GRIK1: variants seen among roughly 807,000 people sequenced by gnomAD.
GRIK1 encodes the protein glutamate ionotropic receptor kainate type subunit 1, also known as glutamate receptor ionotropic, kainate 1.
Under a neutral mutation model 105.7 loss-of-function variants are expected in GRIK1, and 69 were observed. That is an observed-to-expected ratio of 0.65 (90% confidence interval 0.54 to 0.80). GRIK1 has a LOEUF of 0.80. Ranked by LOEUF, GRIK1 falls within the 30% of genes least tolerant of loss-of-function variation. The probability of loss-of-function intolerance (pLI) is 0.00; values close to 1 mark genes in which losing one functional copy is unlikely to be tolerated. For synonymous variants in GRIK1, 438 were observed against 431.3 expected (o/e 1.02, Z -0.19); for missense variants, 1,109 against 1,167.3 (o/e 0.95, Z 0.73).
chr21:29,548,905 A>C (rs934923341), intron 16 of GRIK1, among the ~76,000 whole-genome samples: 1 of 152,242 alleles, frequency 6.6e-6, no homozygotes, highest in Non-Finnish European at 1.5e-5. Context: ...TTTTAGTTTA[A>C]AACAAAGTAA....
chr21:29,926,873 T>C (rs1469085700), intron 1 of GRIK1, among the ~76,000 whole-genome samples: 2 of 152,200 alleles, frequency 1.3e-5, no homozygotes, highest in Non-Finnish European at 2.9e-5. Context: ...ATTTTATTTG[T>C]GATATCATAC....
chr21:29,808,304 T>C (rs1419695332), intron 1 of GRIK1, among the ~76,000 whole-genome samples: 1 of 152,138 alleles, frequency 6.6e-6, no homozygotes, highest in African/African-American at 2.4e-5. Context: ...TCCAGTGATC[T>C]GCTCCAACAC....
At chr21:29,919,756 G>A (rs1314436705) in intron 1 of GRIK1, among the ~76,000 whole-genome samples, 1 of 152,106 alleles carries the variant, frequency 6.6e-6, no homozygotes, top group African/African-American at 2.4e-5. Flanking sequence ...AAAGCATGAG[G>A]TTGAATAAAC....
At chr21:29,875,455 G>T (rs761616547) in intron 1 of GRIK1, among the ~76,000 whole-genome samples, 1 of 152,084 alleles carries the variant, frequency 6.6e-6, no homozygotes, top group Admixed American at 6.6e-5. Flanking sequence ...TGTCACCCCT[G>T]TTGGTAAAGC....
chr21:29,838,221 A>G (rs189410681), intron 1 of GRIK1, among the ~76,000 whole-genome samples: 27 of 152,294 alleles, frequency 1.8e-4, no homozygotes, highest in African/African-American at 6.5e-4. Context: ...ATAGAAGCCC[A>G]TAGGAGGAGT....
intron 7 of GRIK1, among the ~76,000 whole-genome samples, chr21:29,637,982 C>A (rs1185780698): frequency 6.6e-6 from 1 of 152,162 alleles, no homozygotes; most frequent in Non-Finnish European, 1.5e-5. Flanking sequence ...TTGCAAACAA[C>A]TGCTACTTTA....
rs1242501552 is a variant in GRIK1, at chr21:29,601,037, C to A, written c.1099-2100G>T. On this transcript the variant is annotated intron_variant, in intron 7 of 17. Transcript: ENST00000327783. ...TCAACTTGCCTAGGCCACACGATGC[C>A]CAAATATCTAGTCAAACATTATTTC... Among the ~76,000 whole-genome samples, 4 of 152,130 alleles carry A rather than the reference C, an allele frequency of 2.6e-5. No individual in the cohort carries two copies. The East Asian group carries it at 7.7e-4, about 29-fold the overall frequency.
intron 1 of GRIK1, among the ~76,000 whole-genome samples, chr21:29,919,768 T>G (rs1171279426): frequency 6.6e-6 from 1 of 152,204 alleles, no homozygotes; most frequent in Non-Finnish European, 1.5e-5. Flanking sequence ...TGAATAAACC[T>G]ACGTAGTGGT....
intron 15 of GRIK1, among the ~76,000 whole-genome samples, chr21:29,556,301 G>C (rs2090254332): frequency 6.6e-6 from 1 of 152,110 alleles, no homozygotes; most frequent in Non-Finnish European, 1.5e-5. Context: ...TCGGCATAAA[G>C]CTCTTGCCCC....
chr21:29,858,397 C>T (rs1197625374), intron 1 of GRIK1, among the ~76,000 whole-genome samples: 1 of 152,156 alleles, frequency 6.6e-6, no homozygotes, highest in African/African-American at 2.4e-5. Context: ...ATGTCAGGGG[C>T]TCCCAGTGTC....
chr21:29,577,284 AC>A, intron 13 of GRIK1, 103 bp from the exon 14 acceptor site: 1 of 667,754 alleles, frequency 1.5e-6, no homozygotes, highest in Middle Eastern at 4.2e-4. Flanking sequence ...TAAAAGACTT[AC>A]CGTCTTGTAG....
chr21:29,584,296 A>G (rs1006990696), intron 12 of GRIK1, among the ~76,000 whole-genome samples: 1 of 151,480 alleles, frequency 6.6e-6, no homozygotes, highest in Non-Finnish European at 1.5e-5. Flanking sequence ...TTTACTTTCA[A>G]GGGTTTTCTA....
At chr21:29,892,709 G>A (rs2069947736) in intron 1 of GRIK1, among the ~76,000 whole-genome samples, 1 of 152,216 alleles carries the variant, frequency 6.6e-6, no homozygotes. Context: ...AGGTCTCTAT[G>A]CCCTTAGAGA....
intron 7 of GRIK1, among the ~76,000 whole-genome samples, chr21:29,601,532 A>G (rs374932282): frequency 1.1e-4 from 17 of 152,272 alleles, no homozygotes; most frequent in African/African-American, 4.1e-4. Context: ...TCCCCTATGC[A>G]CAGCCCCAGC....
In GRIK1 at chr21:29,537,295, AT is replaced by A; in HGVS notation, c.2784del (p.Lys928AsnfsTer29). 6.2e-7 allele frequency: 1 copy of A among 1,611,474 alleles called. No homozygotes were observed. Among genetic ancestry groups the A allele is most frequent in the Non-Finnish European group, 8.5e-7 (1 of 1,178,158 alleles). On this transcript the variant is annotated frameshift_variant, in exon 18 of 18. Coordinates refer to ENST00000327783, the MANE Select transcript of GRIK1 (RefSeq NM_001330994.2). LOFTEE classifies it high-confidence loss of function. ...CAAGTAAGGATACTTGTGAAGGAAGATTTCCCCTTAGTTCTTGACTTTTTCT... is the reference window on the plus strand; with the variant it reads ...CAAGTAAGGATACTTGTGAAGGAAGATTCCCCTTAGTTCTTGACTTTTTCT... ...KIKKKSRTKGKSSFTSILTCH... is the reference protein window; with the variant it reads ...KIKKKSRTKGXSSFTSILTCH...
chr21:29,654,612 G>GGAAA (rs201354371), intron 5 of GRIK1, among the ~76,000 whole-genome samples, 198 bp downstream of exon 5: 4 of 144,528 alleles, frequency 2.8e-5, no homozygotes, highest in South Asian at 2.2e-4. Flanking sequence ...AAAGAAAGAA[G>GGAAA]GAAAGAAAGA....
At chr21:29,861,099 A>G (rs897163788) in intron 1 of GRIK1, among the ~76,000 whole-genome samples, 2 of 152,120 alleles carry the variant, frequency 1.3e-5, no homozygotes, top group African/African-American at 4.8e-5. Flanking sequence ...TGCAAAGACA[A>G]TCATGTCATC....
intron 5 of GRIK1, among the ~76,000 whole-genome samples, chr21:29,652,756 G>C (rs151068496): frequency 0.016 from 2,480 of 152,238 alleles, 32 homozygotes; most frequent in Middle Eastern, 0.037. Flanking sequence ...TTCCATAAAA[G>C]TTTCTTAACA....
intron 1 of GRIK1, among the ~76,000 whole-genome samples, chr21:29,859,166 A>T (rs2068557628): frequency 6.7e-6 from 1 of 150,280 alleles, no homozygotes; most frequent in Non-Finnish European, 1.5e-5. Flanking sequence ...GAACAATGAG[A>T]ACACTTGGAC....
Sources: gnomAD v4.1 joint callset for allele counts (sites outside exome capture counted in the v4.1 genomes callset) on GRCh38, gnomAD v4.1.1 for gene constraint, MANE v1.5 for transcripts, NCBI Gene and HGNC (gene_info 2026-07-23, HGNC 2026-07-21) for gene names.